CSNK1G3: variants seen among roughly 807,000 people sequenced by gnomAD.
CSNK1G3 encodes casein kinase I isoform gamma-3.
A neutral mutation model predicts 64.3 loss-of-function variants in CSNK1G3; 23 were observed. The ratio of observed to expected loss-of-function variants is 0.36; its 90% CI spans 0.26 to 0.51. CSNK1G3 has a LOEUF of 0.51. CSNK1G3 is among the 20% of genes least tolerant of loss of function. The pLI is 0.96. For synonymous variants in CSNK1G3, 158 were observed against 162.2 expected (o/e 0.97, Z 0.20); for missense variants, 357 against 510.5 (o/e 0.70, Z 2.90).
chr5:123,527,110 A>AT (rs1779230852), intron 1 of CSNK1G3, among the ~76,000 whole-genome samples: 1 of 152,152 alleles, frequency 6.6e-6, no homozygotes, highest in Admixed American at 6.6e-5. Context: ...CACACCAGCA[A>AT]TATTGGGACA....
intron 4 of CSNK1G3, among the ~76,000 whole-genome samples, chr5:123,566,419 A>G (rs903064812): frequency 6.6e-6 from 1 of 152,208 alleles, no homozygotes; most frequent in African/African-American, 2.4e-5. Context: ...AAATAAAAAT[A>G]ATTTTAGAAC....
At chr5:123,605,922 A>G (rs1319446449) in intron 12 of CSNK1G3, among the ~76,000 whole-genome samples, 1 of 152,124 alleles carries the variant, frequency 6.6e-6, no homozygotes, top group African/African-American at 2.4e-5. Context: ...TAACATTAAT[A>G]GAAATAATTT....
At chr5:123,544,150 G>A (rs1228148302) in intron 1 of CSNK1G3, among the ~76,000 whole-genome samples, 9 of 152,050 alleles carry the variant, frequency 5.9e-5, no homozygotes, top group Non-Finnish European at 2.9e-5. Context: ...TGCAACCTTG[G>A]CGTTACCAGT....
chr5:123,576,609 A>G (rs1789219216), intron 6 of CSNK1G3, among the ~76,000 whole-genome samples: 1 of 152,116 alleles, frequency 6.6e-6, no homozygotes, highest in Non-Finnish European at 1.5e-5. Context: ...GTTATGGCTC[A>G]TGACCTTAAT....
At chr5:123,528,591 G>A (rs1389136321) in intron 1 of CSNK1G3, among the ~76,000 whole-genome samples, 1 of 152,082 alleles carries the variant, frequency 6.6e-6, no homozygotes, top group East Asian at 1.9e-4. Flanking sequence ...GTAGAGGTTT[G>A]ATCAATTTCA....
chr5:123,612,558 A>G (rs1297910861), intron 12 of CSNK1G3, among the ~76,000 whole-genome samples: 2 of 151,328 alleles, frequency 1.3e-5, no homozygotes, highest in Non-Finnish European at 2.9e-5. Context: ...GCTCACTGCA[A>G]CCTCCGCCTC....
At chr5:123,588,590 T>C (rs1791754699) in intron 8 of CSNK1G3, 79 bp downstream of exon 8, 1 of 905,824 alleles carries the variant, frequency 1.1e-6, no homozygotes, top group African/African-American at 1.7e-5. Flanking sequence ...TTTATACATA[T>C]TTTTTTCTAT....
intron 6 of CSNK1G3, among the ~76,000 whole-genome samples, chr5:123,581,713 A>C (rs1464073804): frequency 2.0e-5 from 3 of 151,622 alleles, no homozygotes; most frequent in African/African-American, 7.3e-5. Context: ...TTTTTTTAAA[A>C]AAAAAATCCT....
At chr5:123,585,966 G>A (rs929678904) in intron 6 of CSNK1G3, among the ~76,000 whole-genome samples, 6 of 152,160 alleles carry the variant, frequency 3.9e-5, no homozygotes, top group African/African-American at 7.2e-5. Flanking sequence ...AAATGAAAAT[G>A]TATGTCAACA....
At chr5:123,604,741 T>C (rs765109253) in exon 11 of CSNK1G3, 2 of 1,610,630 alleles carry the variant, frequency 1.2e-6, no homozygotes, top group South Asian at 1.1e-5. Flanking sequence ...GTTCTACAAA[T>C]GGAGAGTTAA....
intron 3 of CSNK1G3, among the ~76,000 whole-genome samples, chr5:123,553,383 T>C (rs11953864): frequency 0.6 from 91,247 of 151,974 alleles, 28,573 homozygotes; most frequent in African/African-American, 0.78. Context: ...CCCTTTACTT[T>C]GGCAGCATTG....
At chr5:123,604,619 C>CTT (rs1478317116) in intron 10 of CSNK1G3, 105 bp from the exon 12 acceptor site, 60 of 554,226 alleles carry the variant, frequency 1.1e-4, no homozygotes, top group Non-Finnish European at 3.1e-6. Flanking sequence ...AATTGAAATA[C>CTT]TTTAACAATT....
Position 123,560,298 on chromosome 5 carries a change from A to T in CSNK1G3, c.289+2734A>T, listed in dbSNP as rs112345373. Among the ~76,000 whole-genome samples, 978 of 152,314 alleles carry T rather than the reference A, an allele frequency of 6.4e-3. 4 individuals carry two copies. The highest frequency in any genetic ancestry group is 9.4e-3 in the Non-Finnish European group (640 of 68,010). ...TAAAAATTTAAAAAAGCCACCGTGGAAAATTGTATGTTGATTCTTCAGAAA... is the reference window on the plus strand; with the variant it reads ...TAAAAATTTAAAAAAGCCACCGTGGTAAATTGTATGTTGATTCTTCAGAAA... On this transcript the variant is annotated intron_variant, in intron 4 of 12. Transcript: ENST00000345990.
At chr5:123,545,809 T>C in exon 2 of CSNK1G3, 1 of 1,613,390 alleles carries the variant, frequency 6.2e-7, no homozygotes, top group Non-Finnish European at 8.5e-7. Context: ...GGAAAAAAAA[T>C]TGGATGTGGC....
intron 2 of CSNK1G3, among the ~76,000 whole-genome samples, chr5:123,551,821 G>A (rs970921656): frequency 6.6e-6 from 1 of 151,798 alleles, no homozygotes; most frequent in Non-Finnish European, 1.5e-5. Flanking sequence ...TCATTGTTTT[G>A]TTTTCCTCAC....
chr5:123,567,530 C>T (rs919355781), intron 4 of CSNK1G3, among the ~76,000 whole-genome samples: 1 of 152,130 alleles, frequency 6.6e-6, no homozygotes, highest in Middle Eastern at 3.4e-3. Flanking sequence ...TCACTTGAAC[C>T]GTGAAGTGGA....
chr5:123,558,551 T>C (rs1450185294), intron 4 of CSNK1G3, among the ~76,000 whole-genome samples: 1 of 152,204 alleles, frequency 6.6e-6, no homozygotes, highest in Non-Finnish European at 1.5e-5. Context: ...TGGGTAGAGC[T>C]GTCCATTTCA....
chr5:123,609,666 C>CTGTGTTT lies in CSNK1G3; in HGVS notation c.1217+4304_1217+4305insTGTGTTT, dbSNP rs1222391750. Among the ~76,000 whole-genome samples, 319 of 152,270 alleles carry CTGTGTTT rather than the reference C, an allele frequency of 2.1e-3. 1 individual carries two copies. Among genetic ancestry groups the CTGTGTTT allele is most frequent in the African/African-American group, 7.3e-3 (305 of 41,550 alleles). On this transcript the variant is annotated intron_variant, in intron 12 of 12. Coordinates refer to ENST00000345990, the Ensembl canonical transcript of CSNK1G3. ...TTTTAAGTGGAAAGAAGAGCATGTG[C>CTGTGTTT]AAAGATACTGAGGTAAGAAATCCCA... is the stretch of plus-strand genomic sequence containing the variant.
exon 2 of CSNK1G3, chr5:123,545,700 G>A (rs920743729): frequency 1.2e-6 from 2 of 1,613,434 alleles, no homozygotes; most frequent in Non-Finnish European, 1.7e-6. Context: ...CAAATCAGAT[G>A]ATAGAATGGC....
Sources: gnomAD v4.1 joint callset for allele counts (sites outside exome capture counted in the v4.1 genomes callset) on GRCh38, gnomAD v4.1.1 for gene constraint, MANE v1.5 for transcripts, NCBI Gene and HGNC (gene_info 2026-07-23, HGNC 2026-07-21) for gene names.